Variants in ACSM1 observed in about 807,000 individuals in gnomAD.
The protein encoded by ACSM1 is acyl-coenzyme A synthetase ACSM1, mitochondrial.
In ACSM1, 79 loss-of-function variants were observed where a neutral mutation model predicts 75.8. That is an observed-to-expected ratio of 1.04 (90% CI 0.87 to 1.26). ACSM1 has a LOEUF of 1.26. ACSM1 is among the 50% of genes most tolerant of loss of function. The probability of loss-of-function intolerance (pLI) is 0.00; values close to 1 mark genes in which losing one functional copy is unlikely to be tolerated. For missense variants in ACSM1, 676 were observed against 720.1 expected (o/e 0.94, Z 0.70); for synonymous variants, 279 against 265.8 (o/e 1.05, Z -0.48).
chr16:20,663,061 T>C (rs2019379284), intron 6 of ACSM1, among the ~76,000 whole-genome samples: 1 of 152,078 alleles, frequency 6.6e-6, no homozygotes, highest in East Asian at 1.9e-4. Flanking sequence ...TAAACCCCCT[T>C]GTGGCCTTTG....
Position 20,667,795 on chromosome 16 carries a change from A to G in ACSM1, c.912+2032T>C, listed in dbSNP as rs2019652672. 2.0e-5 allele frequency among the ~76,000 whole-genome samples: 3 copies of G among 152,228 alleles called. No homozygotes were observed. In the South Asian group the frequency reaches 6.2e-4, roughly 32 times the overall value. On this transcript the variant is annotated intron_variant, in intron 6 of 13. Transcript: ENST00000520010. ...CTGGTATAAAGAAAATGTGCTACAT[A>G]TACACCATGCAATACTACACAGCCA...
chr16:20,632,259 A>G (rs1458194050), intron 10 of ACSM1, among the ~76,000 whole-genome samples: 1 of 152,216 alleles, frequency 6.6e-6, no homozygotes, highest in Non-Finnish European at 1.5e-5. Context: ...AAAATGGCAA[A>G]TAGAAAAACA....
At chr16:20,625,874 C>T (rs1040165308) in intron 11 of ACSM1, among the ~76,000 whole-genome samples, 1 of 152,136 alleles carries the variant, frequency 6.6e-6, no homozygotes, top group Non-Finnish European at 1.5e-5. Context: ...ATACTATTTC[C>T]CATTGTATCA....
chr16:20,629,357 A>G (rs2017196606), intron 10 of ACSM1, among the ~76,000 whole-genome samples: 1 of 152,202 alleles, frequency 6.6e-6, no homozygotes, highest in African/African-American at 2.4e-5. Flanking sequence ...AGTAGGTATT[A>G]ATTCAAATTA....
intron 7 of ACSM1, among the ~76,000 whole-genome samples, chr16:20,651,047 A>G (rs1427882242): frequency 6.6e-6 from 1 of 152,136 alleles, no homozygotes; most frequent in Non-Finnish European, 1.5e-5. Flanking sequence ...GTGTGTGCCT[A>G]TTTAAAGCCT....
At chr16:20,669,501 G>A (rs559856853) in intron 6 of ACSM1, among the ~76,000 whole-genome samples, 75 of 148,998 alleles carry the variant, frequency 5.0e-4, no homozygotes, top group Middle Eastern at 6.9e-3. Context: ...GCTTGGCCCT[G>A]GCAGCATCAG....
chr16:20,690,972 A>G (rs751848176), intron 2 of ACSM1, 25 bp downstream of exon 2: 3 of 1,596,066 alleles, frequency 1.9e-6, no homozygotes, highest in Admixed American at 1.8e-5. Context: ...TTGTTCTTAT[A>G]TCGCCATCAC....
intron 7 of ACSM1, among the ~76,000 whole-genome samples, chr16:20,654,641 C>A (rs988436605): frequency 6.6e-6 from 1 of 152,112 alleles, no homozygotes; most frequent in African/African-American, 2.4e-5. Context: ...CCAACAGACA[C>A]ATGAAAAAAT....
chr16:20,678,315 A>G lies in ACSM1; in HGVS notation c.611+3941T>C, dbSNP rs575291258. Among the ~76,000 whole-genome samples, 10 of 152,218 alleles carry G rather than the reference A, an allele frequency of 6.6e-5. No individual in the cohort carries two copies. In the East Asian group the frequency reaches 7.7e-4, roughly 12 times the overall value. On this transcript the variant is annotated intron_variant, in intron 4 of 13. Coordinates refer to ENST00000520010, the MANE Select transcript of ACSM1 (RefSeq NM_001318890.3). ...AAAAAACACACAAAAAAACAGCACT[A>G]AAGACATTATTAAGGCATCATTTCT... is the stretch of plus-strand genomic sequence containing the variant.
chr16:20,624,006 G>T, intron 13 of ACSM1, 90 bp downstream of exon 13: 1 of 1,552,052 alleles, frequency 6.4e-7, no homozygotes, highest in Non-Finnish European at 8.8e-7. Context: ...TCCATTGTTT[G>T]GGGCTGTTTG....
intron 1 of ACSM1, among the ~76,000 whole-genome samples, chr16:20,694,826 G>A (rs1195251446): frequency 6.6e-6 from 1 of 152,066 alleles, no homozygotes; most frequent in Non-Finnish European, 1.5e-5. Flanking sequence ...ATTAGGGTGG[G>A]CCCTAATCCA....
rs35507753 is a variant in ACSM1 at position 20,693,169 on chromosome 16, C to CA, written c.-51-1931dup. ...TGGGCAACAGAGCAAAATTCCGTCTCAAAAAAAAAAAAAAAAATTCAGATC... is the reference window on the plus strand; with the variant it reads ...TGGGCAACAGAGCAAAATTCCGTCTCAAAAAAAAAAAAAAAAAATTCAGATC... On this transcript the variant is annotated intron_variant, in intron 1 of 13. Transcript: ENST00000520010. Among the ~76,000 whole-genome samples the CA allele has an allele frequency of 6.6e-3, 751 of 114,412 alleles. 2 individuals are homozygous for CA. Among genetic ancestry groups the CA allele is most frequent in the East Asian group, 0.021 (89 of 4,154 alleles). 75.1% of individuals were successfully genotyped at this position (114,412 alleles called of 152,430 possible). A position where few individuals can be genotyped will look rare whatever the true frequency, so the allele number is the denominator to read the frequency against.
intron 7 of ACSM1, among the ~76,000 whole-genome samples, chr16:20,654,931 A>C (rs1326265862): frequency 1.3e-5 from 2 of 152,182 alleles, no homozygotes; most frequent in Non-Finnish European, 2.9e-5. Context: ...TCATGCTGCT[A>C]TAAAGACACA....
rs957150837 is a variant in ACSM1 at position 20,670,000 on chromosome 16, G to A, written c.753-14C>T. Reference sequence around the variant, plus strand: ...CGTAATTTCCTACTAACTCCAAAATGCAGTGGCCTCAGCTGTGTGATCATG... The same window carrying A: ...CGTAATTTCCTACTAACTCCAAAATACAGTGGCCTCAGCTGTGTGATCATG... On this transcript the variant is annotated splice_polypyrimidine_tract_variant and intron_variant, in intron 5 of 13. Transcript: ENST00000520010. 1.2e-6 allele frequency: 2 copies of A among 1,613,194 alleles called. No individual in the cohort carries two copies. The highest frequency in any genetic ancestry group is 2.2e-5 in the South Asian group (2 of 90,976).
intron 7 of ACSM1, among the ~76,000 whole-genome samples, chr16:20,644,545 AC>A (rs1485821592): frequency 1.3e-5 from 1 of 78,402 alleles, no homozygotes; most frequent in Non-Finnish European, 2.2e-5. Flanking sequence ...AGGAACACAC[AC>A]ACACACACAC....
Position 20,691,031 on chromosome 16 carries a change from C to G in ACSM1, c.158G>C (p.Ser53Thr), listed in dbSNP as rs776491132. The change falls in exon 2 of 14, where the codon AGT becomes ACT. Residue 53 changes from serine (S) to threonine (T), a missense_variant. Coordinates refer to ENST00000520010, the MANE Select transcript of ACSM1 (RefSeq NM_001318890.3). ...YEVPEEFNFA[S>T]YVLDYWAQKE... ...TTGAGCCCAGTAGTCCAGTACATAA[C>G]TTGCAAAGTTAAATTCCTCCGGTAC... 2.5e-6 allele frequency: 4 copies of G among 1,613,656 alleles called. No homozygotes were observed. The Admixed American group carries it at 6.7e-5, about 27-fold the overall frequency.
Position 20,671,515 on chromosome 16 carries a change from G to T in ACSM1, c.752+16C>A. ...ACATCTGGGTCCAGCCTCTATGTCG[G>T]TGCCCTCTTTCCTACCTTCCTGGGA... On this transcript the variant is annotated intron_variant, in intron 5 of 13. Coordinates refer to ENST00000520010, the MANE Select transcript of ACSM1 (RefSeq NM_001318890.3). The T allele has an allele frequency of 6.3e-7, 1 of 1,595,806 alleles. No individual in the cohort carries two copies. The highest frequency in any genetic ancestry group is 1.7e-5 in the Admixed American group (1 of 58,080).
intron 12 of ACSM1, 96 bp from the exon 13 acceptor site, chr16:20,624,311 C>T: frequency 7.1e-7 from 1 of 1,410,488 alleles, no homozygotes; most frequent in East Asian, 2.6e-5. Context: ...CAAGGTGACA[C>T]TGAACCCTAC....
Position 20,685,300 on chromosome 16 carries a change from G to A in ACSM1, c.296C>T (p.Ala99Val), listed in dbSNP as rs1161445698. Residue 99 changes from alanine (A) to valine (V), a missense_variant, in exon 3 of 14, where the codon GCC becomes GTC. Ala to Val is a moderately conservative substitution (Grantham distance 64). Transcript: ENST00000520010. ...GCCACAGGTCTGTGTGAAGACGTTG[G>A]CTACACGGCGGGTTAGGTCTCCCAT... The part of the protein sequence containing the change: ...REMGDLTRRV[A>V]NVFTQTCGLQ... 6.2e-7 allele frequency: 1 copy of A among 1,614,042 alleles called. No homozygotes were observed. Among genetic ancestry groups the A allele is most frequent in the Non-Finnish European group, 8.5e-7 (1 of 1,180,022 alleles).
Sources: allele counts gnomAD v4.1 joint callset (sites outside exome capture counted in the v4.1 genomes callset), GRCh38; gene constraint gnomAD v4.1.1; transcripts MANE v1.5; gene names NCBI Gene and HGNC (gene_info 2026-07-23, HGNC 2026-07-21).